The following INTS6 variants were observed in gnomAD, a reference collection of about 807,000 sequenced individuals.
The protein encoded by INTS6 is DEAD box protein.
INTS6 carries 16 observed loss-of-function variants against 104.9 expected under a neutral mutation model. That is an observed-to-expected ratio of 0.15 (90% CI 0.10 to 0.23). The LOEUF (loss-of-function observed/expected upper bound fraction) is 0.23, where lower values mean the gene tolerates loss of function less well. INTS6 is among the 10% of genes least tolerant of loss of function. The probability of loss-of-function intolerance (pLI) is 1.00; values close to 1 mark genes in which losing one functional copy is unlikely to be tolerated. For missense variants in INTS6, 584 were observed against 1,062.8 expected, an observed-to-expected ratio of 0.55 and a Z score of 6.26; for synonymous variants, 324 against 358.7, an observed-to-expected ratio of 0.90 and a Z score of 1.09.
chr13:51,441,536 C>T (rs892411435), intron 3 of INTS6: 6 of 151,922 alleles, frequency 3.9e-5, no homozygotes, highest in African/African-American at 1.5e-4. Context: ...TTCAAAACTA[C>T]CTTAAGTTAA....
chr13:51,444,252 A>ATTTTTTTTTTTTTTTTTTTTTTTTTTTT (rs57566246), intron 3 of INTS6: 1 of 54,410 alleles, frequency 1.8e-5, no homozygotes, highest in African/African-American at 9.4e-5. Flanking sequence ...CCCCCAGCTA[A>ATTTTTTTTTTTTTTTTTTTTTTTTTTTT]TTTTTTTTTT....
intron 4 of INTS6, among the ~76,000 whole-genome samples, chr13:51,411,214 AAAATAAATAAATAAATAAATAAAT>A (rs71085083): frequency 7.0e-6 from 1 of 142,978 alleles, no homozygotes; most frequent in Non-Finnish European, 1.5e-5. Context: ...CTTTGTCTCA[AAAATAAATAAATAAATAAATAAAT>A]AAATAAATAA....
chr13:51,357,849 G>C (rs564653922), downstream of INTS6, among the ~76,000 whole-genome samples: 72 of 152,216 alleles, frequency 4.7e-4, no homozygotes, highest in Non-Finnish European at 4.9e-4. Flanking sequence ...GCACAAACTT[G>C]AAACTCTGAA....
intron 4 of INTS6, among the ~76,000 whole-genome samples, chr13:51,417,452 C>CTTTTTTT (rs34887995): frequency 4.4e-4 from 50 of 112,548 alleles, no homozygotes; most frequent in Middle Eastern, 4.4e-3. Flanking sequence ...TAAGAAAATT[C>CTTTTTTT]TTTTTTTTTT....
At chr13:51,389,515 C>A in intron 5 of INTS6, 71 bp from the exon 6 acceptor site, 68 of 1,290,932 alleles carry the variant, frequency 5.3e-5, no homozygotes, top group East Asian at 8.6e-5. Flanking sequence ...GAATTCCTAT[C>A]ATTAGCAAGA....
chr13:51,409,345 G>A (rs906755819), intron 4 of INTS6, among the ~76,000 whole-genome samples: 2 of 149,242 alleles, frequency 1.3e-5, no homozygotes, highest in Non-Finnish European at 3.0e-5. Context: ...TAAAGACTCT[G>A]AGTATTTCAT....
chr13:51,413,686 T>C (rs75686206), intron 4 of INTS6, among the ~76,000 whole-genome samples: 1 of 152,068 alleles, frequency 6.6e-6, no homozygotes, highest in Non-Finnish European at 1.5e-5. Context: ...CAGAAAAAAA[T>C]ATTTCCTAGC....
At chr13:51,390,341 A>C (rs1956223249) in intron 5 of INTS6, among the ~76,000 whole-genome samples, 2 of 151,876 alleles carry the variant, frequency 1.3e-5, no homozygotes, top group African/African-American at 4.8e-5. Context: ...TATCAATCTC[A>C]CACTGAAGTA....
intron 3 of INTS6, chr13:51,354,907 A>T (rs1412052095): frequency 3.2e-6 from 2 of 621,634 alleles, no homozygotes; most frequent in East Asian, 5.5e-5. Flanking sequence ...GGAAGGCGCC[A>T]TGGAAGATGA....
rs150701112 is a variant in INTS6, at chr13:51,389,548, G to A, written c.614-104C>T. The A allele has an allele frequency of 3.0e-4, 336 of 1,104,776 alleles. No individual in the cohort carries two copies. In the African/African-American group the frequency reaches 4.9e-3, roughly 16 times the overall value. The allele number at this position is 1,104,776 out of a possible 1,614,324, so 68.4% of individuals were successfully genotyped here. A position where few individuals can be genotyped will look rare whatever the true frequency, so the allele number is the denominator to read the frequency against. On this transcript the variant is annotated intron_variant, in intron 5 of 17. Coordinates refer to ENST00000311234, the MANE Select transcript of INTS6 (RefSeq NM_012141.3). ...AGAAAAAAACAACTGTGGGGTTTCT[G>A]ACAGTACTAATTAACAAAAGTTCAA...
At chr13:51,385,208 T>C (rs1412111992) in intron 7 of INTS6, 1 of 153,646 alleles carries the variant, frequency 6.5e-6, no homozygotes, top group East Asian at 1.9e-4. Flanking sequence ...TCTTCCCTCA[T>C]ACCCCTTCCC....
chr13:51,428,281 G>GA (rs1178129156), intron 4 of INTS6, among the ~76,000 whole-genome samples: 1 of 150,010 alleles, frequency 6.7e-6, no homozygotes, highest in Non-Finnish European at 1.5e-5. Flanking sequence ...CTATTAAGAA[G>GA]AAAAATTAAT....
chr13:51,389,588 T>C (rs1424033793), intron 5 of INTS6, 144 bp from the exon 6 acceptor site: 2 of 673,898 alleles, frequency 3.0e-6, no homozygotes, highest in Non-Finnish European at 2.2e-6. Flanking sequence ...AAAAGTTGAC[T>C]AATTTCATTA....
intron 4 of INTS6, among the ~76,000 whole-genome samples, chr13:51,396,010 ATGGTC>A (rs1956330763): frequency 6.6e-6 from 1 of 151,916 alleles, no homozygotes; most frequent in Non-Finnish European, 1.5e-5. Context: ...GTTGACCAGG[ATGGTC>A]TCAAACTCCC....
At chr13:51,385,534 G>T (rs1197398984) in intron 7 of INTS6, among the ~76,000 whole-genome samples, 2 of 151,890 alleles carry the variant, frequency 1.3e-5, no homozygotes, top group Non-Finnish European at 1.5e-5. Flanking sequence ...ATATGATTTT[G>T]TTTAATTCCC....
chr13:51,366,837 A>G (rs924676969), intron 17 of INTS6, among the ~76,000 whole-genome samples: 1 of 152,120 alleles, frequency 6.6e-6, no homozygotes, highest in Non-Finnish European at 1.5e-5. Flanking sequence ...GGGACAAAGT[A>G]TAAGTGTGTT....
intron 3 of INTS6, chr13:51,450,596 C>T: frequency 1.0e-6 from 1 of 985,804 alleles, no homozygotes; most frequent in Non-Finnish European, 1.2e-6. Context: ...AACATGGTCA[C>T]ATTAAACCCT....
chr13:51,411,589 G>T (rs1202450408), intron 4 of INTS6, among the ~76,000 whole-genome samples: 1 of 151,268 alleles, frequency 6.6e-6, no homozygotes, highest in Non-Finnish European at 1.5e-5. Flanking sequence ...CACATGAAAA[G>T]ATTTTCAATA....
chr13:51,401,887 AT>A (rs2137993061), intron 4 of INTS6, among the ~76,000 whole-genome samples: 1 of 152,318 alleles, frequency 6.6e-6, no homozygotes, highest in Non-Finnish European at 1.5e-5. Flanking sequence ...CAAATGTTGA[AT>A]TAATATTAAA....
Sources: gnomAD v4.1 joint callset for allele counts (sites outside exome capture counted in the v4.1 genomes callset) on GRCh38, gnomAD v4.1.1 for gene constraint, MANE v1.5 for transcripts, NCBI Gene and HGNC (gene_info 2026-07-23, HGNC 2026-07-21) for gene names.